Variants in MRLN observed in about 807,000 individuals in gnomAD.
MRLN encodes myoregulin.
At chr10:59,745,441 T>C (rs937747448) in intron 1 of MRLN, among the ~76,000 whole-genome samples, 2 of 151,782 alleles carry the variant, frequency 1.3e-5, no homozygotes, top group Non-Finnish European at 2.9e-5. Context: ...TTATTTTGGG[T>C]CAGATTTTTT....
At chr10:59,740,344 G>T (rs529570175) in intron 1 of MRLN, among the ~76,000 whole-genome samples, 1 of 152,106 alleles carries the variant, frequency 6.6e-6, no homozygotes, top group African/African-American at 2.4e-5. Context: ...ATTTTAGAGT[G>T]CACTCCTTGT....
intron 1 of MRLN, among the ~76,000 whole-genome samples, chr10:59,740,858 C>T (rs539858760): frequency 3.3e-5 from 5 of 150,472 alleles, no homozygotes; most frequent in East Asian, 2.0e-4. Flanking sequence ...AGTGCAATGG[C>T]GCGATCTCAG....
intron 1 of MRLN, among the ~76,000 whole-genome samples, chr10:59,748,096 T>TG (rs1841061155): frequency 1.3e-5 from 2 of 150,454 alleles, no homozygotes; most frequent in Non-Finnish European, 1.5e-5. Flanking sequence ...CTTTTGTTTT[T>TG]TTTTTTTTTG....
intron 1 of MRLN, among the ~76,000 whole-genome samples, chr10:59,753,139 T>A (rs2070182825): frequency 6.6e-6 from 1 of 152,164 alleles, no homozygotes; most frequent in Non-Finnish European, 1.5e-5. Flanking sequence ...TCTAATTCAT[T>A]GGTCTCTCTT....
intron 1 of MRLN, among the ~76,000 whole-genome samples, chr10:59,741,832 C>T (rs1250091143): frequency 1.4e-4 from 21 of 152,098 alleles, no homozygotes; most frequent in Admixed American, 1.4e-3. Context: ...GTGTGCACCG[C>T]CTTGCCTGGC....
intron 1 of MRLN, among the ~76,000 whole-genome samples, chr10:59,747,702 G>C (rs991425602): frequency 6.6e-6 from 1 of 152,152 alleles, no homozygotes; most frequent in African/African-American, 2.4e-5. Flanking sequence ...ACTGTATCAT[G>C]GTTGTTTACA....
intron 2 of MRLN, 163 bp downstream of exon 2, chr10:59,738,296 T>A (rs1345529965): frequency 1.3e-5 from 2 of 152,334 alleles, no homozygotes; most frequent in East Asian, 1.9e-4. Context: ...ATTTTCCTTC[T>A]CTCCAGAAAC....
intron 1 of MRLN, among the ~76,000 whole-genome samples, chr10:59,750,422 C>T (rs1442057050): frequency 1.3e-5 from 2 of 152,166 alleles, no homozygotes; most frequent in Non-Finnish European, 2.9e-5. Flanking sequence ...TTTCCCAAGC[C>T]ATTGATGGCC....
rs1252926548 is a variant in MRLN at position 59,737,057 on chromosome 10, T to C, written c.*3A>G. 2 of 395,890 alleles carry C rather than the reference T, an allele frequency of 5.1e-6. No homozygotes were observed. The highest frequency in any genetic ancestry group is 8.9e-6 in the Non-Finnish European group (2 of 223,978). 24.5% of individuals were successfully genotyped at this position (395,890 alleles called of 1,614,324 possible). A position where few individuals can be genotyped will look rare whatever the true frequency, so the allele number is the denominator to read the frequency against. The stretch of plus-strand genomic sequence containing the variant: ...AAATGTACATGGAAAGGAAGTCAGC[T>C]TTCTAAGAAGTTATCACAACATATA... On this transcript the variant is annotated 3_prime_UTR_variant, in exon 3 of 3. Transcript: ENST00000414264.
At chr10:59,747,670 G>A (rs908247988) in intron 1 of MRLN, among the ~76,000 whole-genome samples, 2 of 152,132 alleles carry the variant, frequency 1.3e-5, no homozygotes, top group Non-Finnish European at 2.9e-5. Flanking sequence ...CGACTTGTCC[G>A]TAACATGTTG....
At chr10:59,745,857 C>G (rs1334944761) in intron 1 of MRLN, among the ~76,000 whole-genome samples, 1 of 151,742 alleles carries the variant, frequency 6.6e-6, no homozygotes, top group Admixed American at 6.6e-5. Flanking sequence ...CTCCAGGGAC[C>G]ATAAGAACAA....
chr10:59,744,003 C>G (rs1014134382), intron 1 of MRLN, among the ~76,000 whole-genome samples: 2 of 152,142 alleles, frequency 1.3e-5, no homozygotes, highest in African/African-American at 2.4e-5. Context: ...GGCGTGATCT[C>G]GGCTCGCTAC....
At chr10:59,747,590 A>G (rs1443287851) in intron 1 of MRLN, among the ~76,000 whole-genome samples, 1 of 152,318 alleles carries the variant, frequency 6.6e-6, no homozygotes, top group East Asian at 1.9e-4. Flanking sequence ...TTAAACTCCT[A>G]TTCATCCTTT....
chr10:59,745,577 T>C lies in MRLN; in HGVS notation c.-124-7015A>G, dbSNP rs549616681. 2.5e-3 allele frequency among the ~76,000 whole-genome samples: 374 copies of C among 149,730 alleles called. 4 individuals are homozygous for C. Among genetic ancestry groups the C allele is most frequent in the South Asian group, 0.017 (79 of 4,728 alleles). On this transcript the variant is annotated intron_variant, in intron 1 of 2. Coordinates refer to ENST00000414264, the MANE Select transcript of MRLN (RefSeq NM_001304731.2). ...CATTGGGAGTCACTTTATTATTTTA[T>C]AGACTGTTGTACTGAAAGTAGAATG...
chr10:59,750,800 C>T (rs771667475), intron 1 of MRLN, among the ~76,000 whole-genome samples: 22 of 152,250 alleles, frequency 1.4e-4, no homozygotes, highest in Non-Finnish European at 2.6e-4. Context: ...AGAGCCCCAA[C>T]GCAGCGGTGC....
At chr10:59,737,289 A>T in intron 2 of MRLN, 69 bp from the exon 3 acceptor site, 1 of 382,874 alleles carries the variant, frequency 2.6e-6, no homozygotes. Flanking sequence ...ACTCAATCTA[A>T]TATTTCCACT....
intron 1 of MRLN, among the ~76,000 whole-genome samples, chr10:59,746,533 G>A (rs929951891): frequency 5.9e-5 from 9 of 152,222 alleles, no homozygotes; most frequent in Middle Eastern, 6.8e-3. Flanking sequence ...TAATGGAAAT[G>A]GACTATACTG....
At chr10:59,737,780 C>T (rs952135599) in intron 2 of MRLN, among the ~76,000 whole-genome samples, 1 of 152,022 alleles carries the variant, frequency 6.6e-6, no homozygotes, top group African/African-American at 2.4e-5. Context: ...TTAAAAACTA[C>T]CTGGAATTTG....
chr10:59,752,609 A>G (rs1217344034), intron 1 of MRLN, among the ~76,000 whole-genome samples: 1 of 152,236 alleles, frequency 6.6e-6, no homozygotes, highest in Non-Finnish European at 1.5e-5. Context: ...TTGAACATAC[A>G]TAACCAAAGC....
Sources: allele counts gnomAD v4.1 joint callset (sites outside exome capture counted in the v4.1 genomes callset), GRCh38; gene constraint gnomAD v4.1.1; transcripts MANE v1.5; gene names NCBI Gene and HGNC (gene_info 2026-07-23, HGNC 2026-07-21).